Variants in TMEFF2 observed in about 807,000 individuals in gnomAD.
The protein encoded by TMEFF2 is transmembrane protein with EGF like and two follistatin like domains 2.
In TMEFF2, 28 loss-of-function variants were observed where a neutral mutation model predicts 53.8. The observed-to-expected ratio is 0.52, with a 90% CI of 0.39 to 0.71. The LOEUF (loss-of-function observed/expected upper bound fraction) is 0.71. Ranked by LOEUF, TMEFF2 falls within the 30% of genes least tolerant of loss-of-function variation. TMEFF2 has a pLI of 0.00. For missense variants in TMEFF2, 353 were observed against 455.2 expected (o/e 0.78, Z 2.04); for synonymous variants, 162 against 166.3 (o/e 0.97, Z 0.20).
At chr2:192,137,244 G>A (rs761697080) in intron 4 of TMEFF2, among the ~76,000 whole-genome samples, 10 of 152,100 alleles carry the variant, frequency 6.6e-5, no homozygotes, top group Non-Finnish European at 1.3e-4. Flanking sequence ...CGTGAGGGTG[G>A]GGTACCCAAG....
At chr2:192,109,576 TAAG>T (rs1689228394) in intron 4 of TMEFF2, among the ~76,000 whole-genome samples, 1 of 152,068 alleles carries the variant, frequency 6.6e-6, no homozygotes, top group African/African-American at 2.4e-5. Context: ...AAGATAAAAA[TAAG>T]TAGACAGCTT....
At chr2:192,051,782 G>A (rs1687780333) in intron 5 of TMEFF2, among the ~76,000 whole-genome samples, 1 of 152,110 alleles carries the variant, frequency 6.6e-6, no homozygotes, top group African/African-American at 2.4e-5. Context: ...TCAGATCAAA[G>A]GAGCAAGATG....
chr2:192,037,286 A>C (rs952539194), intron 5 of TMEFF2, among the ~76,000 whole-genome samples: 4 of 123,898 alleles, frequency 3.2e-5, no homozygotes, highest in Non-Finnish European at 6.3e-5. Flanking sequence ...AGAAAGAAAG[A>C]AAGAAAGAAA....
chr2:192,050,923 T>C (rs149293777), intron 5 of TMEFF2, among the ~76,000 whole-genome samples: 1 of 152,300 alleles, frequency 6.6e-6, no homozygotes, highest in African/African-American at 2.4e-5. Context: ...TGGAAAGATA[T>C]GTGCTTCCCT....
Position 191,949,188 on chromosome 2 carries a change from A to G in TMEFF2, c.*1123T>C, listed in dbSNP as rs1691790774. On this transcript the variant is annotated 3_prime_UTR_variant, in exon 10 of 10. Transcript: ENST00000272771. Reference sequence around the variant, plus strand: ...CTTATTTTTTCCAGATCAAGTTGTGATACCTATTTGTATGCACAAATCAAA... The same window carrying G: ...CTTATTTTTTCCAGATCAAGTTGTGGTACCTATTTGTATGCACAAATCAAA... The G allele has an allele frequency of 2.0e-6, 2 of 985,370 alleles. No individual in the cohort carries two copies. Among genetic ancestry groups the G allele is most frequent in the Non-Finnish European group, 2.4e-6 (2 of 829,900 alleles). 61.0% of individuals were successfully genotyped at this position (985,370 alleles called of 1,614,324 possible). A position where few individuals can be genotyped will look rare whatever the true frequency, so the allele number is the denominator to read the frequency against.
At chr2:192,192,774 T>C (rs1182987024) in intron 1 of TMEFF2, among the ~76,000 whole-genome samples, 1 of 152,212 alleles carries the variant, frequency 6.6e-6, no homozygotes, top group Non-Finnish European at 1.5e-5. Context: ...TACAAAGCCA[T>C]CAACATTTCC....
intron 5 of TMEFF2, among the ~76,000 whole-genome samples, chr2:192,052,935 T>G (rs1179103582): frequency 6.6e-6 from 1 of 152,230 alleles, no homozygotes; most frequent in Admixed American, 6.5e-5. Context: ...GCTTAATCCT[T>G]TCCTACATTT....
At chr2:192,078,284 T>C (rs936474349) in intron 4 of TMEFF2, among the ~76,000 whole-genome samples, 2 of 152,154 alleles carry the variant, frequency 1.3e-5, no homozygotes, top group Admixed American at 1.3e-4. Flanking sequence ...GATATTGAGA[T>C]TACATGCAAC....
chr2:191,969,153 GTATA>G (rs1008206232), intron 7 of TMEFF2, among the ~76,000 whole-genome samples: 5 of 150,902 alleles, frequency 3.3e-5, no homozygotes, highest in African/African-American at 1.2e-4. Context: ...GTGTGTGTGT[GTATA>G]TATATATATA....
intron 5 of TMEFF2, among the ~76,000 whole-genome samples, chr2:192,049,729 C>T (rs76364197): frequency 2.0e-5 from 3 of 152,156 alleles, no homozygotes; most frequent in African/African-American, 4.8e-5. Context: ...AGGCCAGGTG[C>T]GATGGCTTAT....
At chr2:192,043,891 T>C (rs1260754852) in intron 5 of TMEFF2, 1 of 152,222 alleles carries the variant, frequency 6.6e-6, no homozygotes. Context: ...CTCACTCAAC[T>C]TGCCTGTGCG....
chr2:192,067,121 G>A (rs1688185329), intron 4 of TMEFF2, among the ~76,000 whole-genome samples: 1 of 151,832 alleles, frequency 6.6e-6, no homozygotes, highest in African/African-American at 2.4e-5. Context: ...AACAGAGAAT[G>A]CATCATTACT....
intron 5 of TMEFF2, among the ~76,000 whole-genome samples, chr2:192,013,217 T>G (rs1686671407): frequency 6.6e-6 from 1 of 152,118 alleles, no homozygotes; most frequent in Non-Finnish European, 1.5e-5. Context: ...CTATGCCATT[T>G]TATTTCTGAT....
At chr2:192,140,693 A>AAAT (rs1327227162) in intron 4 of TMEFF2, among the ~76,000 whole-genome samples, 1 of 152,218 alleles carries the variant, frequency 6.6e-6, no homozygotes, top group Non-Finnish European at 1.5e-5. Context: ...GAAGAAAAAA[A>AAAT]AATAGTACTC....
At chr2:192,122,379 C>T (rs1039265651) in intron 4 of TMEFF2, among the ~76,000 whole-genome samples, 5 of 152,128 alleles carry the variant, frequency 3.3e-5, no homozygotes, top group Non-Finnish European at 5.9e-5. Flanking sequence ...AAACTGATGT[C>T]AGAGGAATTT....
intron 4 of TMEFF2, among the ~76,000 whole-genome samples, chr2:192,151,159 T>A (rs776795676): frequency 1.1e-4 from 16 of 151,836 alleles, no homozygotes; most frequent in Non-Finnish European, 2.2e-4. Context: ...CCTCTTCCCC[T>A]TCCACCATGA....
intron 4 of TMEFF2, among the ~76,000 whole-genome samples, chr2:192,066,748 T>TGAAG (rs970298334): frequency 2.6e-5 from 4 of 151,524 alleles, no homozygotes; most frequent in Admixed American, 1.3e-4. Flanking sequence ...AAAGAAGAAA[T>TGAAG]GAAGGAAGGA....
intron 4 of TMEFF2, among the ~76,000 whole-genome samples, chr2:192,062,968 G>GTT (rs58620145): frequency 0.061 from 9,211 of 150,892 alleles, 421 homozygotes; most frequent in African/African-American, 0.12. Context: ...GTCCGGGAGT[G>GTT]TTTTTTTTTT....
At chr2:192,050,125 T>C (rs1343588833) in intron 5 of TMEFF2, among the ~76,000 whole-genome samples, 1 of 152,252 alleles carries the variant, frequency 6.6e-6, no homozygotes, top group African/African-American at 2.4e-5. Flanking sequence ...TGCAGTATTT[T>C]ATGATTTTGA....
Sources: allele counts gnomAD v4.1 joint callset (sites outside exome capture counted in the v4.1 genomes callset), GRCh38; gene constraint gnomAD v4.1.1; transcripts MANE v1.5; gene names NCBI Gene and HGNC (gene_info 2026-07-23, HGNC 2026-07-21).